Variants in RARB observed in about 807,000 individuals in gnomAD.
The protein encoded by RARB is retinoic acid receptor beta, also known as HBV-activated protein.
RARB carries 17 observed loss-of-function variants against 51.9 expected under a neutral mutation model. The ratio of observed to expected loss-of-function variants is 0.33; its 90% CI spans 0.22 to 0.49. The LOEUF is 0.49. Among genes scored for constraint, RARB ranks in the 20% least tolerant of loss-of-function variants. RARB has a pLI of 0.99. For missense variants in RARB, 369 were observed against 550.8 expected (o/e 0.67, Z 3.30); for synonymous variants, 215 against 195.4 (o/e 1.10, Z -0.84).
At chr3:24,829,755 C>G (rs1267590510) in intron 1 of RARB, among the ~76,000 whole-genome samples, 1 of 152,230 alleles carries the variant, frequency 6.6e-6, no homozygotes, top group African/African-American at 2.4e-5. Context: ...TCCCCAGGGG[C>G]GTGAACCCAG....
At chr3:25,180,081 T>C (rs1700832032) in intron 5 of RARB, among the ~76,000 whole-genome samples, 1 of 151,948 alleles carries the variant, frequency 6.6e-6, no homozygotes, top group Admixed American at 6.6e-5. Flanking sequence ...CCCAAAGGAG[T>C]GTCTCAATTG....
chr3:25,001,259 G>A (rs1464244139), intron 2 of RARB, among the ~76,000 whole-genome samples: 2 of 152,050 alleles, frequency 1.3e-5, no homozygotes, highest in African/African-American at 4.8e-5. Flanking sequence ...TATAAAACCA[G>A]CTGTGGTTTT....
At chr3:25,423,254 C>G (rs542035865) in intron 5 of RARB, among the ~76,000 whole-genome samples, 1 of 152,340 alleles carries the variant, frequency 6.6e-6, no homozygotes, top group South Asian at 2.1e-4. Context: ...TATTGGTGCA[C>G]ATGCCCACAG....
chr3:25,327,086 G>A (rs549208706), intron 5 of RARB, among the ~76,000 whole-genome samples: 143 of 151,994 alleles, frequency 9.4e-4, no homozygotes, highest in Non-Finnish European at 1.6e-3. Flanking sequence ...GAGAACATGC[G>A]CTGTTTCGTT....
intron 1 of RARB, among the ~76,000 whole-genome samples, chr3:24,838,252 T>G (rs559268999): frequency 6.6e-6 from 1 of 152,188 alleles, no homozygotes; most frequent in South Asian, 2.1e-4. Context: ...CAGAGAAATT[T>G]CTCAGCTTTT....
At chr3:25,068,465 G>C (rs528401965) in intron 3 of RARB, among the ~76,000 whole-genome samples, 1 of 152,160 alleles carries the variant, frequency 6.6e-6, no homozygotes, top group African/African-American at 2.4e-5. Context: ...AACAAAAAGG[G>C]GGGTAATATT....
intron 2 of RARB, among the ~76,000 whole-genome samples, chr3:24,919,526 A>G (rs557437693): frequency 6.6e-6 from 1 of 152,044 alleles, no homozygotes; most frequent in South Asian, 2.1e-4. Context: ...CATTTACTGT[A>G]CGTCACTTTC....
intron 5 of RARB, among the ~76,000 whole-genome samples, chr3:25,217,795 C>T (rs572874410): frequency 1.3e-5 from 2 of 152,278 alleles, no homozygotes; most frequent in African/African-American, 2.4e-5. Flanking sequence ...AGTACAAGTT[C>T]CCTTCCTGTC....
At chr3:25,339,663 C>A (rs921314607) in intron 5 of RARB, among the ~76,000 whole-genome samples, 2 of 150,124 alleles carry the variant, frequency 1.3e-5, no homozygotes, top group African/African-American at 2.4e-5. Flanking sequence ...TTAACACATA[C>A]ACCCACAAAG....
chr3:25,594,764 T>G, intron 7 of RARB, 86 bp downstream of exon 7: 1 of 1,233,282 alleles, frequency 8.1e-7, no homozygotes, highest in Non-Finnish European at 1.1e-6. Context: ...ATTCAGGATG[T>G]TTAATGGCTG....
At chr3:24,920,239 C>T (rs1575072282) in intron 2 of RARB, among the ~76,000 whole-genome samples, 1 of 152,104 alleles carries the variant, frequency 6.6e-6, no homozygotes, top group Non-Finnish European at 1.5e-5. Flanking sequence ...AATAGTCCAC[C>T]TCTATCCCCA....
intron 4 of RARB, among the ~76,000 whole-genome samples, chr3:25,154,247 T>C (rs1025872373): frequency 6.6e-6 from 1 of 152,234 alleles, no homozygotes; most frequent in Non-Finnish European, 1.5e-5. Flanking sequence ...AATTAACTCA[T>C]CCAAAACTAC....
chr3:25,048,561 C>T (rs1698262546), intron 2 of RARB, among the ~76,000 whole-genome samples: 7 of 152,070 alleles, frequency 4.6e-5, no homozygotes, highest in Admixed American at 4.6e-4. Flanking sequence ...ATTGTGTCTA[C>T]ATTTCTGGGA....
intron 2 of RARB, among the ~76,000 whole-genome samples, chr3:25,037,903 AAG>A (rs757969703): frequency 6.6e-6 from 1 of 152,154 alleles, no homozygotes; most frequent in African/African-American, 2.4e-5. Flanking sequence ...GAAAGGGAGA[AAG>A]AGAGAAAACC....
At chr3:25,370,250 T>G (rs1158769422) in intron 5 of RARB, among the ~76,000 whole-genome samples, 1 of 152,156 alleles carries the variant, frequency 6.6e-6, no homozygotes, top group Non-Finnish European at 1.5e-5. Context: ...TAAATAAGAA[T>G]GTATGCATGA....
chr3:24,880,367 C>T (rs11711882), intron 2 of RARB, among the ~76,000 whole-genome samples: 18,635 of 151,796 alleles, frequency 0.12, 1,949 homozygotes, highest in East Asian at 0.34. Context: ...GGGGGCAACA[C>T]GAATCTGTAA....
chr3:25,021,978 C>T (rs575826300), intron 2 of RARB, among the ~76,000 whole-genome samples: 2 of 152,090 alleles, frequency 1.3e-5, no homozygotes, highest in Admixed American at 6.6e-5. Context: ...ACTGAATTTC[C>T]CAATTACATG....
intron 5 of RARB, among the ~76,000 whole-genome samples, chr3:25,584,908 G>T (rs1360761612): frequency 6.6e-5 from 10 of 152,050 alleles, no homozygotes; most frequent in African/African-American, 2.2e-4. Context: ...ACCCCGCCTG[G>T]CCTGCCCCTA....
chr3:25,559,479 C>A (rs772462836), intron 3 of RARB, among the ~76,000 whole-genome samples: 1 of 152,210 alleles, frequency 6.6e-6, no homozygotes, highest in African/African-American at 2.4e-5. Context: ...TCCCTTCTGA[C>A]ATCTAGCTCA....
Sources: allele counts gnomAD v4.1 joint callset (sites outside exome capture counted in the v4.1 genomes callset), GRCh38; gene constraint gnomAD v4.1.1; transcripts MANE v1.5; gene names NCBI Gene and HGNC (gene_info 2026-07-23, HGNC 2026-07-21).